EPHB1: variants seen among roughly 807,000 people sequenced by gnomAD.
EPHB1 encodes ephrin type-B receptor 1.
Under a neutral mutation model 94.4 loss-of-function variants are expected in EPHB1, and 30 were observed. The ratio of observed to expected loss-of-function variants is 0.32; its 90% CI spans 0.24 to 0.43. EPHB1 has a LOEUF of 0.43. Ranked by LOEUF, EPHB1 falls within the 20% of genes least tolerant of loss-of-function variation. The probability of loss-of-function intolerance (pLI) is 1.00; values close to 1 mark genes in which losing one functional copy is unlikely to be tolerated. For synonymous variants in EPHB1, 522 were observed against 489.1 expected, an observed-to-expected ratio of 1.07 and a Z score of -0.89; for missense variants, 1,055 against 1,308.3, an observed-to-expected ratio of 0.81 and a Z score of 2.99.
chr3:135,110,687 G>A (rs541802157), intron 4 of EPHB1, among the ~76,000 whole-genome samples: 81 of 152,326 alleles, frequency 5.3e-4, no homozygotes, highest in Non-Finnish European at 5.3e-4. Flanking sequence ...CCATCGTGGC[G>A]ATGATGGTGA....
Position 134,827,363 on chromosome 3 carries a change from G to GCA in EPHB1, c.58+31699_58+31700dup, listed in dbSNP as rs61002729. Among the ~76,000 whole-genome samples the GCA allele has an allele frequency of 5.0e-3, 761 of 150,862 alleles. 3 individuals carry two copies. Among genetic ancestry groups the GCA allele is most frequent in the South Asian group, 0.026 (123 of 4,764 alleles). The stretch of plus-strand genomic sequence containing the variant: ...TCAACAGATGTGCGCGGGTGCGCGT[G>GCA]CACACACACACACACACACACACAC... On this transcript the variant is annotated intron_variant, in intron 1 of 15. Coordinates refer to ENST00000398015, the MANE Select transcript of EPHB1 (RefSeq NM_004441.5).
intron 5 of EPHB1, among the ~76,000 whole-genome samples, chr3:135,153,538 C>T (rs1286099359): frequency 6.6e-6 from 1 of 152,140 alleles, no homozygotes; most frequent in Non-Finnish European, 1.5e-5. Flanking sequence ...TGGAAATTCC[C>T]TCATTTGGAA....
intron 3 of EPHB1, among the ~76,000 whole-genome samples, chr3:134,987,242 C>G (rs1334720174): frequency 5.3e-5 from 8 of 152,172 alleles, no homozygotes; most frequent in Non-Finnish European, 7.3e-5. Flanking sequence ...GTTAATTTAT[C>G]TAATCATCAC....
At chr3:135,186,043 G>A (rs756824354) in intron 10 of EPHB1, among the ~76,000 whole-genome samples, 4 of 152,166 alleles carry the variant, frequency 2.6e-5, no homozygotes, top group Non-Finnish European at 5.9e-5. Flanking sequence ...GAGATATTTA[G>A]CATCTTTAAT....
At chr3:134,930,876 T>C (rs1457688638) in intron 2 of EPHB1, among the ~76,000 whole-genome samples, 1 of 152,186 alleles carries the variant, frequency 6.6e-6, no homozygotes, top group Admixed American at 6.5e-5. Context: ...ATACTGTCCT[T>C]CACTCTGTAA....
chr3:135,081,798 AC>A (rs1318645993), intron 3 of EPHB1, among the ~76,000 whole-genome samples: 2 of 152,064 alleles, frequency 1.3e-5, no homozygotes, highest in Non-Finnish European at 2.9e-5. Context: ...CCCCTTCAAT[AC>A]CTAAATGGCA....
chr3:134,911,750 G>C (rs2038460298), intron 1 of EPHB1, among the ~76,000 whole-genome samples: 1 of 152,176 alleles, frequency 6.6e-6, no homozygotes, highest in African/African-American at 2.4e-5. Flanking sequence ...TGCAGCCTTT[G>C]GAGCCTCAGC....
chr3:135,071,864 T>G (rs559811445), intron 3 of EPHB1, among the ~76,000 whole-genome samples: 1 of 152,282 alleles, frequency 6.6e-6, no homozygotes, highest in African/African-American at 2.4e-5. Context: ...GCTCCCAACT[T>G]TTTACCATCT....
chr3:135,092,447 A>G (rs1364815551), intron 3 of EPHB1, among the ~76,000 whole-genome samples: 7 of 152,268 alleles, frequency 4.6e-5, no homozygotes, highest in African/African-American at 1.7e-4. Context: ...TCTAAAGCAC[A>G]GGTTCCTCCC....
intron 3 of EPHB1, among the ~76,000 whole-genome samples, chr3:135,078,605 T>C (rs529925645): frequency 6.6e-6 from 1 of 152,300 alleles, no homozygotes; most frequent in East Asian, 1.9e-4. Flanking sequence ...GATGGACAAA[T>C]GGACAGAGAA....
Position 135,192,629 on chromosome 3 carries a change from A to C in EPHB1, c.1936A>C (p.Ile646Leu). 6.2e-7 allele frequency: 1 copy of C among 1,614,040 alleles called. No individual in the cohort carries two copies. The highest frequency in any genetic ancestry group is 8.5e-7 in the Non-Finnish European group (1 of 1,179,964). ...TTTGAAACTGCCAGGCAAGAGGGAA[A>C]TCTACGTGGCCATCAAGACCCTGAA... is the stretch of plus-strand genomic sequence containing the variant. ...GRLKLPGKREIYVAIKTLKAG... is the reference protein window; with the variant it reads ...GRLKLPGKRELYVAIKTLKAG... Residue 646 changes from isoleucine to leucine, a missense_variant, in exon 11 of 16, where the codon ATC (isoleucine) becomes CTC (leucine). Coordinates refer to ENST00000398015, the MANE Select transcript of EPHB1 (RefSeq NM_004441.5).
intron 4 of EPHB1, among the ~76,000 whole-genome samples, chr3:135,130,804 G>A (rs1940389591): frequency 6.6e-6 from 1 of 152,204 alleles, no homozygotes; most frequent in Non-Finnish European, 1.5e-5. Context: ...CTAGTATAAA[G>A]CAAGCACTCA....
At chr3:134,947,624 T>TC (rs1343337447) in intron 2 of EPHB1, among the ~76,000 whole-genome samples, 1 of 152,224 alleles carries the variant, frequency 6.6e-6, no homozygotes, top group Non-Finnish European at 1.5e-5. Flanking sequence ...CAACTCAGGG[T>TC]CACCCATTGT....
At chr3:135,141,808 G>C (rs1435810852) in intron 5 of EPHB1, among the ~76,000 whole-genome samples, 1 of 152,168 alleles carries the variant, frequency 6.6e-6, no homozygotes. Context: ...CATTGAGCCT[G>C]GTGCTGCCTG....
intron 5 of EPHB1, among the ~76,000 whole-genome samples, chr3:135,153,062 C>T (rs1941241932): frequency 6.6e-6 from 1 of 152,192 alleles, no homozygotes; most frequent in African/African-American, 2.4e-5. Context: ...AGTAGGGACT[C>T]ACTGAGGGTC....
chr3:134,797,532 AGCGTGCTCTCG>A (rs926490480), intron 1 of EPHB1, among the ~76,000 whole-genome samples: 1 of 152,132 alleles, frequency 6.6e-6, no homozygotes, highest in East Asian at 1.9e-4. Flanking sequence ...CACTTTGGGG[AGCGTGCTCTCG>A]GCATTGGGTT....
intron 1 of EPHB1, among the ~76,000 whole-genome samples, chr3:134,868,202 G>A (rs1448073475): frequency 2.0e-5 from 3 of 152,192 alleles, no homozygotes. Context: ...CTGGTTGGCT[G>A]CTCTATCAAA....
At chr3:135,019,250 A>T (rs1935909117) in intron 3 of EPHB1, among the ~76,000 whole-genome samples, 1 of 152,062 alleles carries the variant, frequency 6.6e-6, no homozygotes, top group Admixed American at 6.5e-5. Context: ...CCCATCACAA[A>T]GCAGTCTTAT....
At chr3:134,963,253 G>T (rs1157806769) in intron 3 of EPHB1, among the ~76,000 whole-genome samples, 2 of 151,256 alleles carry the variant, frequency 1.3e-5, no homozygotes, top group African/African-American at 4.9e-5. Context: ...TTAATTTAAA[G>T]AAAAATAATG....
Sources: gnomAD v4.1 joint callset for allele counts (sites outside exome capture counted in the v4.1 genomes callset) on GRCh38, gnomAD v4.1.1 for gene constraint, MANE v1.5 for transcripts, NCBI Gene and HGNC (gene_info 2026-07-23, HGNC 2026-07-21) for gene names.